Variants in AFAP1 observed in about 807,000 individuals in gnomAD.
The protein encoded by AFAP1 is actin filament-associated protein 1.
In AFAP1, 75 loss-of-function variants were observed where a neutral mutation model predicts 93.9. The observed-to-expected ratio is 0.80, with a 90% CI of 0.66 to 0.97. The LOEUF (loss-of-function observed/expected upper bound fraction) is 0.97, where lower values mean the gene tolerates loss of function less well. AFAP1 is among the 50% of genes least tolerant of loss of function. The pLI is 0.00. For missense variants in AFAP1, 1,201 were observed against 1,050.8 expected (o/e 1.14, Z -1.98); for synonymous variants, 517 against 430.7 (o/e 1.20, Z -2.48).
intron 1 of AFAP1, among the ~76,000 whole-genome samples, chr4:7,882,791 G>C (rs571695845): frequency 6.6e-6 from 1 of 152,036 alleles, no homozygotes; most frequent in Admixed American, 6.6e-5. Context: ...CCTGGGAGGC[G>C]GAGGCTGCAG....
intron 6 of AFAP1, among the ~76,000 whole-genome samples, chr4:7,824,203 A>G (rs1217585595): frequency 6.6e-6 from 1 of 152,222 alleles, no homozygotes; most frequent in Non-Finnish European, 1.5e-5. Flanking sequence ...TTCAATGTGT[A>G]TTTAAGAGAA....
At chr4:7,842,008 G>C (rs954793661) in intron 5 of AFAP1, among the ~76,000 whole-genome samples, 12 of 152,258 alleles carry the variant, frequency 7.9e-5, no homozygotes, top group African/African-American at 2.4e-4. Context: ...TCTTTTAAAT[G>C]AAAGTTGATT....
intron 15 of AFAP1, 106 bp downstream of exon 15, chr4:7,774,633 A>T: frequency 6.9e-7 from 1 of 1,454,598 alleles, no homozygotes; most frequent in South Asian, 1.4e-5. Context: ...CTTACTAAAT[A>T]AAATGACAGC....
intron 13 of AFAP1, among the ~76,000 whole-genome samples, chr4:7,779,970 A>G (rs1249104636): frequency 6.6e-6 from 1 of 152,240 alleles, no homozygotes; most frequent in Non-Finnish European, 1.5e-5. Context: ...ATAGTAACAA[A>G]CACTCCACAG....
At chr4:7,899,780 C>A (rs1719008723) in intron 1 of AFAP1, among the ~76,000 whole-genome samples, 1 of 151,982 alleles carries the variant, frequency 6.6e-6, no homozygotes, top group Non-Finnish European at 1.5e-5. Context: ...ATGTTTGAAC[C>A]AGAGATGGCA....
At position 7,855,503 on chromosome 4, in the gene AFAP1, C is replaced by G. The variant is rs61742221; in HGVS notation, c.297G>C (p.Pro99=). Residue 99 remains proline (P), a synonymous_variant, in exon 4 of 18, where the codon CCG becomes CCC. Transcript: ENST00000420658. ...ATTCCGGAGCTTTTCCGGGGCTCAGCGGCACAGCTTCCTCATAATAACCTT... is the reference window on the plus strand; with the variant it reads ...ATTCCGGAGCTTTTCCGGGGCTCAGGGGCACAGCTTCCTCATAATAACCTT... ...LPEGYYEEAV[P]LSPGKAPEYI... The G allele has an allele frequency of 3.7e-6, 6 of 1,613,198 alleles. No homozygotes were observed. In the South Asian group the frequency reaches 6.6e-5, roughly 18 times the overall value.
At chr4:7,861,581 T>C (rs1334774080) in intron 3 of AFAP1, among the ~76,000 whole-genome samples, 2 of 152,248 alleles carry the variant, frequency 1.3e-5, no homozygotes, top group Admixed American at 6.5e-5. Flanking sequence ...CTTTTACTTA[T>C]GCATGACAAA....
chr4:7,829,046 T>G (rs1721669637), intron 6 of AFAP1, among the ~76,000 whole-genome samples: 1 of 152,184 alleles, frequency 6.6e-6, no homozygotes, highest in African/African-American at 2.4e-5. Context: ...TAAGGGGCTT[T>G]CCCCTCTTTT....
intron 9 of AFAP1, among the ~76,000 whole-genome samples, chr4:7,806,329 G>A (rs1264808477): frequency 2.0e-5 from 3 of 152,176 alleles, no homozygotes; most frequent in Non-Finnish European, 2.9e-5. Context: ...CTTTCCAGCC[G>A]GCAAGCACCT....
intron 1 of AFAP1, among the ~76,000 whole-genome samples, chr4:7,912,782 TA>T (rs1365587718): frequency 2.6e-5 from 4 of 152,184 alleles, no homozygotes; most frequent in Non-Finnish European, 5.9e-5. Flanking sequence ...CATTTTGAGT[TA>T]ATTTTTGTAT....
chr4:7,874,448 C>T (rs1577325767), intron 1 of AFAP1, among the ~76,000 whole-genome samples: 1 of 133,608 alleles, frequency 7.5e-6, no homozygotes, highest in Non-Finnish European at 1.5e-5. Context: ...ACTGCAAGTT[C>T]TGCCTCCTGG....
intron 3 of AFAP1, among the ~76,000 whole-genome samples, chr4:7,856,952 T>C (rs2149145483): frequency 6.6e-6 from 1 of 152,354 alleles, no homozygotes; most frequent in South Asian, 2.1e-4. Flanking sequence ...GATACAGAAG[T>C]TGAAGCTCAG....
intron 1 of AFAP1, among the ~76,000 whole-genome samples, chr4:7,938,782 G>A (rs574125838): frequency 6.6e-6 from 1 of 152,196 alleles, no homozygotes; most frequent in South Asian, 2.1e-4. Flanking sequence ...GAAGCTCCGG[G>A]CAGTAGGGCC....
chr4:7,819,260 G>A (rs1720752977), intron 6 of AFAP1, 89 bp from the exon 7 acceptor site: 1 of 1,183,794 alleles, frequency 8.4e-7, no homozygotes. Flanking sequence ...AGAGGCACAT[G>A]GCGTGGTAGG....
chr4:7,907,083 G>T (rs141442866), intron 1 of AFAP1, among the ~76,000 whole-genome samples: 1 of 151,410 alleles, frequency 6.6e-6, no homozygotes, highest in Non-Finnish European at 1.5e-5. Flanking sequence ...ATGCTACAAC[G>T]TTGAAATCCT....
At chr4:7,857,606 C>T (rs796761730) in intron 3 of AFAP1, among the ~76,000 whole-genome samples, 4 of 152,258 alleles carry the variant, frequency 2.6e-5, no homozygotes, top group African/African-American at 9.6e-5. Flanking sequence ...TACATGGGGC[C>T]CAGCACCAGG....
intron 1 of AFAP1, among the ~76,000 whole-genome samples, chr4:7,929,469 T>TTCAGCTGCTGAAAAAGCC: frequency 6.6e-6 from 1 of 152,352 alleles, no homozygotes; most frequent in African/African-American, 2.4e-5. Context: ...GGCTGTAATC[T>TTCAGCTGCTGAAAAAGCC]TCAGCTGCTG....
intron 11 of AFAP1, among the ~76,000 whole-genome samples, chr4:7,790,074 G>A (rs1018894025): frequency 6.6e-6 from 1 of 152,090 alleles, no homozygotes; most frequent in African/African-American, 2.4e-5. Context: ...AATGCACAAA[G>A]AATTCTCCTA....
At chr4:7,769,760 G>A (rs925995442) in intron 16 of AFAP1, among the ~76,000 whole-genome samples, 6 of 152,216 alleles carry the variant, frequency 3.9e-5, no homozygotes, top group African/African-American at 1.4e-4. Context: ...ATATTGCTCA[G>A]GGTATATGGA....
Sources: allele counts gnomAD v4.1 joint callset (sites outside exome capture counted in the v4.1 genomes callset), GRCh38; gene constraint gnomAD v4.1.1; transcripts MANE v1.5; gene names NCBI Gene and HGNC (gene_info 2026-07-23, HGNC 2026-07-21).